The following TENM3 variants were observed in gnomAD, a reference collection of about 807,000 sequenced individuals.
The protein encoded by TENM3 is teneurin transmembrane protein 3, also known as teneurin-3.
In TENM3, 63 loss-of-function variants were observed where a neutral mutation model predicts 255.1. That is an observed-to-expected ratio of 0.25 (90% CI 0.20 to 0.30). TENM3 has a LOEUF of 0.30. Among genes scored for constraint, TENM3 ranks in the 10% least tolerant of loss-of-function variants. The pLI, the probability that TENM3 is intolerant of heterozygous loss-of-function variation, is 1.00. For missense variants in TENM3, 2,929 were observed against 3,461.1 expected (o/e 0.85, Z 3.86); for synonymous variants, 1,306 against 1,322.3 (o/e 0.99, Z 0.27).
At chr4:181,675,514 A>G in the TENM3 span, among the ~76,000 whole-genome samples, 1 of 152,158 alleles carries the variant, frequency 6.6e-6, no homozygotes, top group Non-Finnish European at 1.5e-5. Flanking sequence ...AAAAATATGT[A>G]TGGAATTGTA....
the TENM3 span, among the ~76,000 whole-genome samples, chr4:182,088,261 G>T: frequency 6.6e-6 from 1 of 152,174 alleles, no homozygotes; most frequent in East Asian, 1.9e-4. Context: ...GGGCTTTCTG[G>T]ATCAGTACAG....
At chr4:182,460,202 A>C (rs1774226582) in intron 3 of TENM3, among the ~76,000 whole-genome samples, 1 of 152,170 alleles carries the variant, frequency 6.6e-6, no homozygotes, top group Admixed American at 6.5e-5. Context: ...AGGACAGAGG[A>C]CGTAAAAATT....
At chr4:182,032,402 A>G in the TENM3 span, among the ~76,000 whole-genome samples, 23 of 152,306 alleles carry the variant, frequency 1.5e-4, no homozygotes, top group African/African-American at 5.3e-4. Flanking sequence ...GATGAAGCCA[A>G]CTTGATCATG....
the TENM3 span, among the ~76,000 whole-genome samples, chr4:181,524,261 G>T: frequency 6.6e-6 from 1 of 152,108 alleles, no homozygotes; most frequent in African/African-American, 2.4e-5. Flanking sequence ...CTCACAAGGC[G>T]AGTAGAAAAT....
At chr4:181,716,472 T>C in the TENM3 span, among the ~76,000 whole-genome samples, 3 of 152,342 alleles carry the variant, frequency 2.0e-5, no homozygotes, top group African/African-American at 2.4e-5. Context: ...AATTGCTCAG[T>C]AGCCCTCCAT....
intron 22 of TENM3, among the ~76,000 whole-genome samples, chr4:182,766,420 T>G (rs1763725842): frequency 6.6e-6 from 1 of 152,186 alleles, no homozygotes; most frequent in Admixed American, 6.5e-5. Context: ...GATTCTTCTC[T>G]TAATGATGGC....
intron 3 of TENM3, among the ~76,000 whole-genome samples, chr4:182,431,310 A>G (rs1476770256): frequency 6.6e-6 from 1 of 151,882 alleles, no homozygotes; most frequent in Non-Finnish European, 1.5e-5. Context: ...CCTGGCCAAC[A>G]TGGTGAAACC....
chr4:181,891,103 G>T, the TENM3 span, among the ~76,000 whole-genome samples: 58 of 152,228 alleles, frequency 3.8e-4, 1 homozygote, highest in Non-Finnish European at 8.2e-4. Context: ...AGACTTGAAA[G>T]TAAGATGGAT....
rs1444673900 is a variant in TENM3 at position 182,754,882 on chromosome 4, T to G, written c.4515T>G (p.Leu1505=). 6.2e-7 allele frequency: 1 copy of G among 1,614,070 alleles called. No homozygotes were observed. The highest frequency in any genetic ancestry group is 8.5e-7 in the Non-Finnish European group (1 of 1,179,902). ...CTGTGTCAAAGAATAAGCCTTTACT[T>G]AACTCTATGAACTTCTATGAAGTTG... ...IRAVSKNKPL[L]NSMNFYEVAS... The change falls in exon 22 of 28, where the codon CTT becomes CTG. Residue 1505 remains leucine, a synonymous_variant. Coordinates refer to ENST00000511685, the MANE Select transcript of TENM3 (RefSeq NM_001080477.4). This position sits in a 1 kb window ranked among gnomAD's most constrained non-coding sequence, Gnocchi z 5.1.
At chr4:182,650,983 C>G (rs1753230223) in intron 5 of TENM3, among the ~76,000 whole-genome samples, 1 of 149,794 alleles carries the variant, frequency 6.7e-6, no homozygotes, top group Admixed American at 6.7e-5. Flanking sequence ...ATAAACATTA[C>G]ATTACTTTCT....
chr4:182,126,456 C>G, the TENM3 span, among the ~76,000 whole-genome samples: 26 of 152,132 alleles, frequency 1.7e-4, no homozygotes, highest in Non-Finnish European at 3.4e-4. Flanking sequence ...AAGTTCGGTG[C>G]TTTAGAATGA....
intron 4 of TENM3, among the ~76,000 whole-genome samples, chr4:182,616,519 TAATA>T (rs1426971194): frequency 0.017 from 98 of 5,714 alleles, no homozygotes; most frequent in South Asian, 0.027. Context: ...ACTTAAAGTA[TAATA>T]AAAAAAAAAA....
the TENM3 span, among the ~76,000 whole-genome samples, chr4:181,483,812 A>G: frequency 6.6e-6 from 1 of 152,096 alleles, no homozygotes. Flanking sequence ...GCTATGCGGT[A>G]ATTGTGTGTT....
intron 6 of TENM3, among the ~76,000 whole-genome samples, chr4:182,655,106 A>G (rs1307378005): frequency 6.6e-6 from 1 of 152,198 alleles, no homozygotes; most frequent in African/African-American, 2.4e-5. Context: ...GGAAATTTTA[A>G]TTACATAAAT....
At chr4:182,661,395 A>G (rs950398906) in intron 6 of TENM3, among the ~76,000 whole-genome samples, 1 of 152,034 alleles carries the variant, frequency 6.6e-6, no homozygotes, top group African/African-American at 2.4e-5. Context: ...AGACAACTCT[A>G]GAGAGTTCAG....
chr4:182,171,948 G>T, intron 1 of TENM3, among the ~76,000 whole-genome samples: 1 of 150,614 alleles, frequency 6.6e-6, no homozygotes, highest in Non-Finnish European at 1.5e-5. Flanking sequence ...TACCTTATTA[G>T]GAAAGGGTCT....
chr4:182,429,398 T>C (rs1284488627), intron 3 of TENM3, among the ~76,000 whole-genome samples: 1 of 152,234 alleles, frequency 6.6e-6, no homozygotes, highest in Admixed American at 6.5e-5. Context: ...TTTATTTGCC[T>C]ACACATATAA....
At chr4:181,845,132 A>G in the TENM3 span, among the ~76,000 whole-genome samples, 1 of 152,214 alleles carries the variant, frequency 6.6e-6, no homozygotes, top group Non-Finnish European at 1.5e-5. Context: ...ATCCTACTAC[A>G]TCGACTTTGT....
intron 3 of TENM3, among the ~76,000 whole-genome samples, chr4:182,388,883 T>A (rs1366023296): frequency 2.6e-5 from 4 of 152,244 alleles, no homozygotes; most frequent in Non-Finnish European, 5.9e-5. Context: ...AAGAGCAGAC[T>A]GATAGCCAGC....
Sources: allele counts gnomAD v4.1 joint callset (sites outside exome capture counted in the v4.1 genomes callset), GRCh38; gene constraint gnomAD v4.1.1; non-coding constraint Gnocchi (gnomAD v3.1); transcripts MANE v1.5; gene names NCBI Gene and HGNC (gene_info 2026-07-23, HGNC 2026-07-21).